FCSK: variants seen among roughly 807,000 people sequenced by gnomAD.
The protein encoded by FCSK is L-fucose kinase.
Under a neutral mutation model 122.5 loss-of-function variants are expected in FCSK, and 123 were observed. That is an observed-to-expected ratio of 1.00 (90% confidence interval 0.87 to 1.17). The LOEUF (loss-of-function observed/expected upper bound fraction) is 1.17. Ranked by LOEUF, FCSK falls within the 50% of genes most tolerant of loss-of-function variation. The pLI, the probability that FCSK is intolerant of heterozygous loss-of-function variation, is 0.00. For missense variants in FCSK, 1,366 were observed against 1,450.4 expected (o/e 0.94, Z 0.95); for synonymous variants, 620 against 625.5 (o/e 0.99, Z 0.13).
chr16:70,475,601 G>T (rs1472023568), intron 19 of FCSK, 47 bp from the exon 20 acceptor site: 1 of 1,575,460 alleles, frequency 6.3e-7, no homozygotes, highest in Non-Finnish European at 8.6e-7. Context: ...GCAGGCCTGG[G>T]CAGGGTGGAG....
intron 9 of FCSK, 40 bp downstream of exon 9, chr16:70,469,008 G>A (rs2048522040): frequency 1.2e-6 from 2 of 1,609,858 alleles, no homozygotes; most frequent in African/African-American, 1.3e-5. Flanking sequence ...CTGGCTTGGG[G>A]GCGAGGCACT....
At position 70,473,368 on chromosome 16, in the gene FCSK, T is replaced by C; in HGVS notation, c.1777+15T>C. The C allele has an allele frequency of 1.4e-6, 2 of 1,476,454 alleles. No homozygotes were observed. Among genetic ancestry groups the C allele is most frequent in the Non-Finnish European group, 1.8e-6 (2 of 1,108,356 alleles). 91.5% of individuals were successfully genotyped at this position (1,476,454 alleles called of 1,614,324 possible). A position where few individuals can be genotyped will look rare whatever the true frequency, so the allele number is the denominator to read the frequency against. The stretch of plus-strand genomic sequence containing the variant: ...GCTGGACCAGGGTGAGTGTGCAGGC[T>C]GGTAGTGCTGCAGAATCAGGCCAGG... On this transcript the variant is annotated intron_variant, in intron 15 of 23. Transcript: ENST00000288078. This position sits in a 1 kb window ranked among gnomAD's most constrained non-coding sequence, Gnocchi z 4.9.
At chr16:70,468,821 T>C (rs1597619160) in intron 8 of FCSK, 28 bp from the exon 9 acceptor site, 1 of 1,613,616 alleles carries the variant, frequency 6.2e-7, no homozygotes, top group East Asian at 2.2e-5. Flanking sequence ...GGGCCCTCCA[T>C]CTCTGATCCT....
intron 5 of FCSK, 73 bp from the exon 6 acceptor site, chr16:70,466,809 T>C: frequency 7.2e-7 from 1 of 1,379,322 alleles, no homozygotes; most frequent in Non-Finnish European, 1.0e-6. Context: ...CAGCACAGTA[T>C]CCTTGGGCAA....
chr16:70,469,070 C>T lies in FCSK; in HGVS notation c.784-82C>T, dbSNP rs374317723. 158 of 1,605,328 alleles carry T rather than the reference C, an allele frequency of 9.8e-5. No individual in the cohort carries two copies. The East Asian group carries it at 2.0e-3, about 21-fold the overall frequency. ...CTCTCTGGGGCAGAGTCTCCGCAGA[C>T]GGGACTGCCCTGGTTCAGCCTCAGA... On this transcript the variant is annotated intron_variant, in intron 9 of 23. Transcript: ENST00000288078.
chr16:70,469,074 A>C, intron 9 of FCSK, 78 bp from the exon 10 acceptor site: 3 of 1,607,064 alleles, frequency 1.9e-6, no homozygotes, highest in Non-Finnish European at 2.5e-6. Flanking sequence ...CGCAGACGGG[A>C]CTGCCCTGGT....
At chr16:70,467,804 C>T in intron 7 of FCSK, 82 bp from the exon 8 acceptor site, 1 of 1,179,342 alleles carries the variant, frequency 8.5e-7, no homozygotes, top group Non-Finnish European at 1.3e-6. Context: ...TTGGAGAATG[C>T]CCTTGCTGCC....
Position 70,473,325 on chromosome 16 carries a change from C to A in FCSK, c.1749C>A (p.Pro583=). Reference sequence around the variant, plus strand: ...GGGCTGCTGTCCGCGAGGGCTGCCCCGGGCCCCTGCTGGCCACGCTGGACC... The same window carrying A: ...GGGCTGCTGTCCGCGAGGGCTGCCCAGGGCCCCTGCTGGCCACGCTGGACC... The part of the protein sequence containing the change: ...LIWAAVREGC[P]GPLLATLDQV... Residue 583 remains proline (P), a synonymous_variant, in exon 15 of 24, where the codon CCC becomes CCA. Coordinates refer to ENST00000288078, the MANE Select transcript of FCSK (RefSeq NM_145059.3). This position sits in a 1 kb window ranked among gnomAD's most constrained non-coding sequence, Gnocchi z 4.9. 6.6e-7 allele frequency: 1 copy of A among 1,512,648 alleles called. No homozygotes were observed. 93.7% of individuals were successfully genotyped at this position (1,512,648 alleles called of 1,614,324 possible). A position where few individuals can be genotyped will look rare whatever the true frequency, so the allele number is the denominator to read the frequency against.
chr16:70,474,377 C>G, intron 16 of FCSK, 38 bp downstream of exon 16: 1 of 1,598,944 alleles, frequency 6.3e-7, no homozygotes, highest in Non-Finnish European at 8.5e-7. Context: ...TGGATAAGCC[C>G]CTTGCTGTCT....
At chr16:70,471,785 A>G (rs1017170419) in intron 13 of FCSK, among the ~76,000 whole-genome samples, 2 of 147,568 alleles carry the variant, frequency 1.4e-5, no homozygotes, top group Non-Finnish European at 3.0e-5. Flanking sequence ...GGGTTTCGCC[A>G]TGCTAGTCTG....
chr16:70,468,419 C>T (rs971413985), intron 8 of FCSK, among the ~76,000 whole-genome samples: 14 of 152,296 alleles, frequency 9.2e-5, no homozygotes, highest in Non-Finnish European at 2.1e-4. Context: ...GACTCTGAAT[C>T]AATCCCCTGC....
Position 70,469,157 on chromosome 16 carries a change from T to C in FCSK, c.789T>C (p.Ser263=). ...LDSGARPVQL[S]LFFDILHCMA... is the part of the protein sequence containing the mutation. ...GCTTCTTCCCCTTCCCCTAGCTGTCTCTGTTTTTTGACATTCTCCACTGCA... is the reference window on the plus strand; with the variant it reads ...GCTTCTTCCCCTTCCCCTAGCTGTCCCTGTTTTTTGACATTCTCCACTGCA... The change falls in exon 10 of 24, where the codon TCT becomes TCC. Residue 263 remains serine (S), a synonymous_variant. Coordinates refer to ENST00000288078, the MANE Select transcript of FCSK (RefSeq NM_145059.3). 1 of 1,614,136 alleles carries C rather than the reference T, an allele frequency of 6.2e-7. No homozygotes were observed. Among genetic ancestry groups the C allele is most frequent in the Non-Finnish European group, 8.5e-7 (1 of 1,180,032 alleles).
At chr16:70,466,376 C>A in intron 5 of FCSK, 119 bp downstream of exon 5, 2 of 1,282,284 alleles carry the variant, frequency 1.6e-6, no homozygotes, top group Admixed American at 2.3e-5. Context: ...TTGAGGGTGC[C>A]TAATGTTAGT....
At chr16:70,464,991 A>C in intron 3 of FCSK, 135 bp from the exon 4 acceptor site, 1 of 1,546,036 alleles carries the variant, frequency 6.5e-7, no homozygotes, top group Non-Finnish European at 8.8e-7. Flanking sequence ...GCCTGTGGCC[A>C]TTGGTTTGAC....
At chr16:70,464,885 C>A in intron 3 of FCSK, 3 of 739,572 alleles carry the variant, frequency 4.1e-6, no homozygotes, top group South Asian at 1.9e-5. Flanking sequence ...CTCAAAACAA[C>A]AACAACAACA....
In FCSK at chr16:70,463,221, G is replaced by A; in HGVS notation, c.31G>A (p.Val11Ile). Residue 11 changes from valine to isoleucine, a missense_variant, in exon 2 of 24, where the codon GTC becomes ATC. Physicochemically the swap from Val to Ile is conservative, Grantham distance 29 (BLOSUM62 3). Coordinates refer to ENST00000288078, the MANE Select transcript of FCSK (RefSeq NM_145059.3). ...GCAGCCGAAGGGAGTTGATTGGACA[G>A]TCATCATCCTGACCTGCCAGTACAA... MEQPKGVDWT[V>I]IILTCQYKDS... The A allele has an allele frequency of 6.2e-7, 1 of 1,614,124 alleles. No homozygotes were observed. The highest frequency in any genetic ancestry group is 1.3e-5 in the African/African-American group (1 of 75,040).
At chr16:70,472,011 G>A (rs1245746311) in intron 13 of FCSK, among the ~76,000 whole-genome samples, 1 of 152,078 alleles carries the variant, frequency 6.6e-6, no homozygotes, top group Non-Finnish European at 1.5e-5. Flanking sequence ...GTTTCACCGC[G>A]TTAGCCAGGA....
chr16:70,464,922 G>A, intron 3 of FCSK: 1 of 1,035,754 alleles, frequency 9.7e-7, no homozygotes, highest in East Asian at 2.7e-5. Context: ...CAAGAAGGTG[G>A]CCCAGGTGGA....
Position 70,479,740 on chromosome 16 carries a change from G to A in FCSK, c.*60G>A. 1 of 1,381,202 alleles carries A rather than the reference G, an allele frequency of 7.2e-7. No homozygotes were observed. Among genetic ancestry groups the A allele is most frequent in the Non-Finnish European group, 1.0e-6 (1 of 987,706 alleles). 85.6% of individuals were successfully genotyped at this position (1,381,202 alleles called of 1,614,324 possible). On this transcript the variant is annotated 3_prime_UTR_variant, in exon 24 of 24. Transcript: ENST00000288078. ...AGCTACAGTGTCCCCCACCTTCCTTGCCCCATGGGAACCTCCACCTCCTAC... is the reference window on the plus strand; with the variant it reads ...AGCTACAGTGTCCCCCACCTTCCTTACCCCATGGGAACCTCCACCTCCTAC...
Sources: gnomAD v4.1 joint callset for allele counts (sites outside exome capture counted in the v4.1 genomes callset) on GRCh38, gnomAD v4.1.1 for gene constraint, Gnocchi (gnomAD v3.1) non-coding constraint, MANE v1.5 for transcripts, NCBI Gene and HGNC (gene_info 2026-07-23, HGNC 2026-07-21) for gene names.